The following DCLK2 variants were observed in gnomAD, a reference collection of about 807,000 sequenced individuals.
DCLK2 encodes doublecortin like kinase 2.
In DCLK2, 31 loss-of-function variants were observed where a neutral mutation model predicts 78.4. The ratio of observed to expected loss-of-function variants is 0.40; its 90% CI spans 0.30 to 0.53. The LOEUF (loss-of-function observed/expected upper bound fraction) is 0.53, where lower values mean the gene tolerates loss of function less well. Among genes scored for constraint, DCLK2 ranks in the 20% least tolerant of loss-of-function variants. DCLK2 has a pLI of 0.61. For synonymous variants in DCLK2, 407 were observed against 374.9 expected (o/e 1.09, Z -0.99); for missense variants, 872 against 973.7 (o/e 0.90, Z 1.39).
At chr4:150,209,936 G>A (rs1230559704) in intron 5 of DCLK2, among the ~76,000 whole-genome samples, 7 of 152,142 alleles carry the variant, frequency 4.6e-5, no homozygotes, top group Admixed American at 1.3e-4. Flanking sequence ...TTAGCCAGGC[G>A]TGGTGGCAGG....
intron 2 of DCLK2, among the ~76,000 whole-genome samples, chr4:150,139,718 G>A (rs945155768): frequency 6.6e-6 from 1 of 152,206 alleles, no homozygotes; most frequent in Admixed American, 6.5e-5. Context: ...CATTAACAAT[G>A]AAGCAGTTGA....
chr4:150,223,898 G>A (rs1741392498), intron 7 of DCLK2, among the ~76,000 whole-genome samples: 1 of 152,086 alleles, frequency 6.6e-6, no homozygotes, highest in Non-Finnish European at 1.5e-5. Context: ...AATAATGAAA[G>A]TCAGGGGACT....
chr4:150,124,843 T>C (rs1330837709), intron 2 of DCLK2, among the ~76,000 whole-genome samples: 2 of 152,218 alleles, frequency 1.3e-5, no homozygotes, highest in Non-Finnish European at 2.9e-5. Flanking sequence ...ACCTAGGCAG[T>C]ACCAATCAAT....
At chr4:150,188,919 A>AG (rs1738168036) in intron 2 of DCLK2, among the ~76,000 whole-genome samples, 1 of 151,740 alleles carries the variant, frequency 6.6e-6, no homozygotes, top group Non-Finnish European at 1.5e-5. Context: ...AAAAAAAAAA[A>AG]AAAAGCCAAA....
chr4:150,106,194 A>G (rs4481220), intron 2 of DCLK2, among the ~76,000 whole-genome samples: 57,888 of 151,780 alleles, frequency 0.38, 11,328 homozygotes, highest in Non-Finnish European at 0.42. Context: ...TAGTTTTCTT[A>G]GTGCTGAGTC....
intron 5 of DCLK2, among the ~76,000 whole-genome samples, chr4:150,217,504 C>T (rs1164951106): frequency 6.6e-6 from 1 of 152,204 alleles, no homozygotes; most frequent in Admixed American, 6.5e-5. Flanking sequence ...TCTTCAGAGT[C>T]ATTTGTAACC....
At chr4:150,198,141 A>G (rs775977218) in intron 4 of DCLK2, 38 bp downstream of exon 4, 11 of 1,547,344 alleles carry the variant, frequency 7.1e-6, no homozygotes, top group Non-Finnish European at 9.7e-6. Flanking sequence ...CATAGCAGGA[A>G]CAGATCATTT....
At chr4:150,120,512 A>G (rs1249772336) in intron 2 of DCLK2, among the ~76,000 whole-genome samples, 1 of 152,216 alleles carries the variant, frequency 6.6e-6, no homozygotes, top group African/African-American at 2.4e-5. Context: ...AATTGAATCT[A>G]AGTTAAAAAT....
chr4:150,127,090 G>A (rs768214519), intron 2 of DCLK2, among the ~76,000 whole-genome samples: 19 of 152,282 alleles, frequency 1.2e-4, no homozygotes, highest in Non-Finnish European at 2.5e-4. Context: ...ATAACAGAAG[G>A]TATATGATCT....
At chr4:150,154,055 G>C (rs11735949) in intron 2 of DCLK2, among the ~76,000 whole-genome samples, 53,627 of 152,070 alleles carry the variant, frequency 0.35, 10,026 homozygotes, top group African/African-American at 0.49. Flanking sequence ...TGATCAAAGG[G>C]TGTCCTAGTT....
chr4:150,165,592 A>G (rs1233159293), intron 2 of DCLK2, among the ~76,000 whole-genome samples: 1 of 152,250 alleles, frequency 6.6e-6, no homozygotes, highest in African/African-American at 2.4e-5. Flanking sequence ...GAGAGAACCT[A>G]TTTCAAAGAG....
rs149132491 is a variant in DCLK2 at position 150,203,837 on chromosome 4, C to T, written c.1004C>T (p.Thr335Met). 1.3e-5 allele frequency: 21 copies of T among 1,613,754 alleles called. No individual in the cohort carries two copies. Among genetic ancestry groups the T allele is most frequent in the African/African-American group, 9.3e-5 (7 of 74,868 alleles). The stretch of plus-strand genomic sequence containing the variant: ...AGCCAACTTTCTACTCCTAAATCTA[C>T]GAAATCCTCCAGTTCCTCTCCAACT... ...PSSQLSTPKS[T>M]KSSSSSPTSP... The change falls in exon 5 of 16, where the codon ACG (threonine) becomes ATG (methionine). Residue 335 changes from threonine to methionine, a missense_variant. This residue lies in a region of DCLK2 where 567 missense variants were observed against 593.4 expected (regional missense o/e 0.96). Transcript: ENST00000296550.
At chr4:150,083,766 C>T (rs28644462) in intron 1 of DCLK2, among the ~76,000 whole-genome samples, 57,986 of 151,916 alleles carry the variant, frequency 0.38, 11,304 homozygotes, top group Non-Finnish European at 0.42. Flanking sequence ...TATTGAATTT[C>T]AGGGCTGCAA....
At chr4:150,181,601 A>G (rs1057307159) in intron 2 of DCLK2, among the ~76,000 whole-genome samples, 21 of 152,202 alleles carry the variant, frequency 1.4e-4, no homozygotes, top group African/African-American at 5.1e-4. Context: ...TGCAGTGGGA[A>G]AAGGTTAGAT....
intron 15 of DCLK2, 73 bp downstream of exon 15, chr4:150,249,757 C>A: frequency 1.6e-6 from 2 of 1,238,950 alleles, no homozygotes; most frequent in Non-Finnish European, 2.4e-6. Flanking sequence ...TAGCCGGGAG[C>A]TGCCCTCACA....
chr4:150,178,097 A>G (rs566115244), intron 2 of DCLK2, among the ~76,000 whole-genome samples: 8 of 152,362 alleles, frequency 5.3e-5, no homozygotes, highest in African/African-American at 1.9e-4. Flanking sequence ...GAAAACAAAA[A>G]GAGTTTTCTA....
chr4:150,203,555 T>C (rs1431563792), intron 4 of DCLK2, among the ~76,000 whole-genome samples: 1 of 151,892 alleles, frequency 6.6e-6, no homozygotes, highest in African/African-American at 2.4e-5. Context: ...TATTTGTTTA[T>C]ATAGCTGTCA....
chr4:150,153,639 T>A (rs547280531), intron 2 of DCLK2, among the ~76,000 whole-genome samples: 1 of 152,106 alleles, frequency 6.6e-6, no homozygotes, highest in South Asian at 2.1e-4. Flanking sequence ...GGTCTTGACC[T>A]CCTGGGCTCA....
intron 2 of DCLK2, among the ~76,000 whole-genome samples, chr4:150,117,514 C>A (rs4301089): frequency 0.036 from 5,449 of 152,084 alleles, 201 homozygotes; most frequent in Admixed American, 0.084. Flanking sequence ...TTCATCCCCC[C>A]CTTAAGATTA....
Sources: allele counts gnomAD v4.1 joint callset (sites outside exome capture counted in the v4.1 genomes callset), GRCh38; gene constraint gnomAD v4.1.1; regional missense constraint gnomAD v4.1.1; transcripts MANE v1.5; gene names NCBI Gene and HGNC (gene_info 2026-07-23, HGNC 2026-07-21).